Variants in MAGI3 observed in about 807,000 individuals in gnomAD.
The protein encoded by MAGI3 is membrane-associated guanylate kinase, WW and PDZ domain-containing protein 3.
A neutral mutation model predicts 121.8 loss-of-function variants in MAGI3; 43 were observed. The ratio of observed to expected loss-of-function variants is 0.35; its 90% CI spans 0.28 to 0.46. The LOEUF is 0.46. Among genes scored for constraint, MAGI3 ranks in the 20% least tolerant of loss-of-function variants. The pLI is 1.00. For missense variants in MAGI3, 1,547 were observed against 1,797.3 expected (o/e 0.86, Z 2.52); for synonymous variants, 553 against 639.3 (o/e 0.86, Z 2.04).
Position 113,437,459 on chromosome 1 carries a change from T to A in MAGI3, c.316+46110T>A, listed in dbSNP as rs952275731. On this transcript the variant is annotated intron_variant, in intron 1 of 20. Coordinates refer to ENST00000307546, the MANE Select transcript of MAGI3 (RefSeq NM_001142782.2). ...CCCATCTCATTATCTTATAAGTAATTTGTGTTTTTAAGTTTTTTTCTCCCT... is the reference window on the plus strand; with the variant it reads ...CCCATCTCATTATCTTATAAGTAATATGTGTTTTTAAGTTTTTTTCTCCCT... Among the ~76,000 whole-genome samples the A allele has an allele frequency of 2.0e-5, 3 of 152,170 alleles. No individual in the cohort carries two copies. The South Asian group carries it at 6.2e-4, about 32-fold the overall frequency.
intron 2 of MAGI3, among the ~76,000 whole-genome samples, chr1:113,554,282 T>G (rs1659898602): frequency 7.6e-6 from 1 of 131,584 alleles, no homozygotes; most frequent in Non-Finnish European, 1.7e-5. Context: ...TAAATATTCA[T>G]ATGTGTGTGT....
chr1:113,636,812 A>G (rs575610988), intron 9 of MAGI3, among the ~76,000 whole-genome samples: 3 of 151,924 alleles, frequency 2.0e-5, no homozygotes, highest in Admixed American at 6.5e-5. Context: ...TGATCTGTCT[A>G]ATGTTGACAG....
In MAGI3 at chr1:113,549,498, T is replaced by G; in HGVS notation, c.317-17T>G. The G allele has an allele frequency of 7.1e-7, 1 of 1,405,458 alleles. No homozygotes were observed. Among genetic ancestry groups the G allele is most frequent in the Non-Finnish European group, 9.9e-7 (1 of 1,014,966 alleles). 87.1% of individuals were successfully genotyped at this position (1,405,458 alleles called of 1,614,324 possible). A position where few individuals can be genotyped will look rare whatever the true frequency, so the allele number is the denominator to read the frequency against. On this transcript the variant is annotated splice_polypyrimidine_tract_variant and intron_variant, in intron 1 of 20. Coordinates refer to ENST00000307546, the MANE Select transcript of MAGI3 (RefSeq NM_001142782.2). ...TATGCATTTATTTTCTGTTTTTTTT[T>G]TTTGTCTTTGCTCCAGGCAAAGTCA... is the stretch of plus-strand genomic sequence containing the variant.
chr1:113,682,744 A>G, intron 20 of MAGI3, 153 bp from the exon 21 acceptor site: 2 of 983,564 alleles, frequency 2.0e-6, no homozygotes, highest in Non-Finnish European at 2.4e-6. Context: ...CCGCCTTTAT[A>G]GAGAGATATG....
At chr1:113,619,974 TTAA>T (rs1171393942) in intron 8 of MAGI3, 144 bp downstream of exon 8, 3 of 533,450 alleles carry the variant, frequency 5.6e-6, no homozygotes, top group Non-Finnish European at 1.0e-5. Flanking sequence ...ATGAATAATC[TTAA>T]TAAAACATCT....
At chr1:113,482,789 C>T (rs1321319773) in intron 1 of MAGI3, among the ~76,000 whole-genome samples, 1 of 151,300 alleles carries the variant, frequency 6.6e-6, no homozygotes, top group Non-Finnish European at 1.5e-5. Flanking sequence ...TTGTTAACAT[C>T]AGAAGCAATA....
chr1:113,649,240 C>T lies in MAGI3; in HGVS notation c.2159C>T (p.Pro720Leu). ...TATATTTTCTGATTTTCCTCAGCAC[C>T]AAACACCAAAGATTTGGATGTTTTT... ...KSKTLYEDKP[P>L]NTKDLDVFLR... Residue 720 changes from proline to leucine, a missense_variant, in exon 13 of 21, where the codon CCA (proline) becomes CTA (leucine). By Grantham distance (98) the Pro-to-Leu change is moderately conservative. Coordinates refer to ENST00000307546, the MANE Select transcript of MAGI3 (RefSeq NM_001142782.2). 1.9e-6 allele frequency: 3 copies of T among 1,610,778 alleles called. No homozygotes were observed. Among genetic ancestry groups the T allele is most frequent in the South Asian group, 1.1e-5 (1 of 90,090 alleles).
chr1:113,526,181 C>T (rs1570801767), intron 1 of MAGI3, among the ~76,000 whole-genome samples: 1 of 152,060 alleles, frequency 6.6e-6, no homozygotes, highest in East Asian at 1.9e-4. Context: ...TGTTCCTGTT[C>T]TCCTAATGTT....
intron 1 of MAGI3, among the ~76,000 whole-genome samples, chr1:113,415,974 C>A: frequency 1.0e-5 from 1 of 95,642 alleles, no homozygotes; most frequent in Non-Finnish European, 2.1e-5. Context: ...GGGTCAAAAA[C>A]ATTTATATAT....
At chr1:113,489,173 C>CG (rs1215677857) in intron 1 of MAGI3, among the ~76,000 whole-genome samples, 1 of 150,884 alleles carries the variant, frequency 6.6e-6, no homozygotes. Context: ...CCTTAGGCCC[C>CG]CCCCGACCCC....
chr1:113,627,774 C>T lies in MAGI3; in HGVS notation c.1360+4780C>T, dbSNP rs184968182. 9.8e-4 allele frequency among the ~76,000 whole-genome samples: 149 copies of T among 151,676 alleles called. 1 individual carries two copies. The highest frequency in any genetic ancestry group is 1.8e-3 in the Admixed American group (27 of 15,224). On this transcript the variant is annotated intron_variant, in intron 9 of 20. Coordinates refer to ENST00000307546, the MANE Select transcript of MAGI3 (RefSeq NM_001142782.2). ...TGACCCCTTTATTATTATATAATGA[C>T]CTTTTTGTCTCTTCTTGCAGTTTTT...
intron 2 of MAGI3, among the ~76,000 whole-genome samples, chr1:113,571,930 G>A (rs948153048): frequency 1.3e-5 from 2 of 152,066 alleles, no homozygotes; most frequent in African/African-American, 2.4e-5. Context: ...CCAATACTAC[G>A]TTGAATAGGA....
At chr1:113,566,480 T>G (rs1570872898) in intron 2 of MAGI3, among the ~76,000 whole-genome samples, 1 of 152,192 alleles carries the variant, frequency 6.6e-6, no homozygotes. Context: ...TACAGAACAT[T>G]TCATCCAATA....
chr1:113,629,573 C>T (rs924686897), intron 9 of MAGI3, among the ~76,000 whole-genome samples: 5 of 152,102 alleles, frequency 3.3e-5, no homozygotes, highest in Admixed American at 2.0e-4. Flanking sequence ...CTTGGGAAGG[C>T]TTTCCAGGTA....
At chr1:113,489,681 A>G (rs986602403) in intron 1 of MAGI3, among the ~76,000 whole-genome samples, 2 of 152,122 alleles carry the variant, frequency 1.3e-5, no homozygotes, top group Non-Finnish European at 2.9e-5. Flanking sequence ...CAAAATAGCT[A>G]GTATAGAAAA....
At chr1:113,480,736 TTCCTCAGG>T (rs1225655879) in intron 1 of MAGI3, among the ~76,000 whole-genome samples, 1 of 152,222 alleles carries the variant, frequency 6.6e-6, no homozygotes, top group African/African-American at 2.4e-5. Context: ...CTCACCTGGA[TTCCTCAGG>T]TCTTGTGAAA....
rs915638723 is a variant in MAGI3 at position 113,480,281 on chromosome 1, G to A, written c.317-69234G>A. ...GCCCTGCAACAGTCAACTATTTACAGATTCTGGTTAGGCCATTTTGCAGGG... is the reference window on the plus strand; with the variant it reads ...GCCCTGCAACAGTCAACTATTTACAAATTCTGGTTAGGCCATTTTGCAGGG... On this transcript the variant is annotated intron_variant, in intron 1 of 20. Coordinates refer to ENST00000307546, the MANE Select transcript of MAGI3 (RefSeq NM_001142782.2). Among the ~76,000 whole-genome samples the A allele has an allele frequency of 3.9e-5, 6 of 152,178 alleles. No homozygotes were observed. In the South Asian group the frequency reaches 1.0e-3, roughly 26 times the overall value.
intron 2 of MAGI3, among the ~76,000 whole-genome samples, chr1:113,567,222 A>G (rs1269156845): frequency 6.6e-6 from 1 of 152,018 alleles, no homozygotes; most frequent in Non-Finnish European, 1.5e-5. Context: ...TAAACCTACC[A>G]AGACTGAATC....
At chr1:113,452,425 T>A (rs375191579) in intron 1 of MAGI3, among the ~76,000 whole-genome samples, 4 of 150,134 alleles carry the variant, frequency 2.7e-5, no homozygotes, top group South Asian at 2.1e-4. Context: ...TATGTGTTAA[T>A]TTTGTTGGAT....
Sources: gnomAD v4.1 joint callset for allele counts (sites outside exome capture counted in the v4.1 genomes callset) on GRCh38, gnomAD v4.1.1 for gene constraint, MANE v1.5 for transcripts, NCBI Gene and HGNC (gene_info 2026-07-23, HGNC 2026-07-21) for gene names.